Variants in GFPT2 observed in about 807,000 individuals in gnomAD.
The protein encoded by GFPT2 is glutamine--fructose-6-phosphate aminotransferase [isomerizing] 2.
In GFPT2, 62 loss-of-function variants were observed where a neutral mutation model predicts 85.6. The ratio of observed to expected loss-of-function variants is 0.72; its 90% confidence interval spans 0.59 to 0.90. The LOEUF (loss-of-function observed/expected upper bound fraction) is 0.90. Ranked by LOEUF, GFPT2 falls within the 40% of genes least tolerant of loss-of-function variation. The pLI is 0.00. For synonymous variants in GFPT2, 368 were observed against 344.5 expected (o/e 1.07, Z -0.75); for missense variants, 788 against 893.4 (o/e 0.88, Z 1.50).
chr5:180,352,468 C>T (rs936753262), intron 1 of GFPT2: 1 of 451,878 alleles, frequency 2.2e-6, no homozygotes, highest in Admixed American at 2.4e-5. Context: ...CGGGCCGCGG[C>T]CGCCCTCCCC....
chr5:180,309,051 T>A (rs1763829196), intron 15 of GFPT2, among the ~76,000 whole-genome samples: 1 of 152,002 alleles, frequency 6.6e-6, no homozygotes, highest in Admixed American at 6.5e-5. Context: ...TTTAAATATT[T>A]TTAGTAGAGA....
At chr5:180,349,079 C>T (rs1764662351) in intron 1 of GFPT2, among the ~76,000 whole-genome samples, 1 of 151,594 alleles carries the variant, frequency 6.6e-6, no homozygotes, top group African/African-American at 2.4e-5. Flanking sequence ...GTGTCCCTTT[C>T]ATTCTTACAG....
chr5:180,353,056 C>T (rs1190853490), intron 1 of GFPT2, among the ~76,000 whole-genome samples, 155 bp downstream of exon 1: 2 of 152,184 alleles, frequency 1.3e-5, no homozygotes, highest in East Asian at 3.9e-4. Flanking sequence ...GCAGCCAGGC[C>T]CGGCCGACGA....
chr5:180,342,175 G>C (rs973586724), intron 1 of GFPT2, among the ~76,000 whole-genome samples: 4 of 152,102 alleles, frequency 2.6e-5, no homozygotes, highest in Non-Finnish European at 2.9e-5. Flanking sequence ...CAGCCATGTG[G>C]AACTATGAGT....
intron 17 of GFPT2, among the ~76,000 whole-genome samples, chr5:180,302,984 C>A (rs938774125): frequency 7.2e-5 from 11 of 151,984 alleles, no homozygotes; most frequent in Admixed American, 5.2e-4. Context: ...AATCCCAACA[C>A]TTTGGGAGGC....
chr5:180,343,647 T>C (rs1461526031), intron 1 of GFPT2, among the ~76,000 whole-genome samples: 8 of 152,260 alleles, frequency 5.3e-5, no homozygotes, highest in African/African-American at 1.9e-4. Context: ...CTCAAGTGAA[T>C]AAAATAGCGT....
intron 2 of GFPT2, among the ~76,000 whole-genome samples, chr5:180,337,128 C>A (rs1037452737): frequency 3.7e-4 from 57 of 152,208 alleles, no homozygotes; most frequent in Non-Finnish European, 6.8e-4. Context: ...CCCAGCGGAG[C>A]ATTGTGTAGC....
At chr5:180,345,361 G>C (rs1764585681) in intron 1 of GFPT2, among the ~76,000 whole-genome samples, 1 of 152,252 alleles carries the variant, frequency 6.6e-6, no homozygotes, top group Non-Finnish European at 1.5e-5. Context: ...TACTGGGATG[G>C]ACCCATCGGG....
At chr5:180,314,072 AC>A (rs1177094912) in intron 13 of GFPT2, 108 bp from the exon 14 acceptor site, 3 of 1,122,510 alleles carry the variant, frequency 2.7e-6, no homozygotes, top group African/African-American at 3.2e-5. Flanking sequence ...CGCCCGAGAC[AC>A]AGCCAGCGGG....
At chr5:180,321,408 C>T (rs1487109377) in intron 9 of GFPT2, among the ~76,000 whole-genome samples, 1 of 152,216 alleles carries the variant, frequency 6.6e-6, no homozygotes, top group African/African-American at 2.4e-5. Context: ...AATGGCCCAC[C>T]AGTTAGGCTT....
At position 180,304,665 on chromosome 5, in the gene GFPT2, A is replaced by C. The variant is rs1763741747; in HGVS notation, c.1842+107T>G. ...CGGGGGAGGGTGTGTGGTCACAGCC[A>C]CTCACTGGCCAGACCATCCATCACT... On this transcript the variant is annotated intron_variant, in intron 17 of 18. Coordinates refer to ENST00000253778, the MANE Select transcript of GFPT2 (RefSeq NM_005110.4). The C allele has an allele frequency of 6.7e-6, 7 of 1,047,086 alleles. No homozygotes were observed. The East Asian group carries it at 1.7e-4, about 25-fold the overall frequency. The allele number at this position is 1,047,086 out of a possible 1,614,324, so 64.9% of individuals were successfully genotyped here. A position where few individuals can be genotyped will look rare whatever the true frequency, so the allele number is the denominator to read the frequency against.
intron 1 of GFPT2, among the ~76,000 whole-genome samples, chr5:180,346,364 G>C (rs963564269): frequency 3.3e-5 from 5 of 152,160 alleles, no homozygotes; most frequent in African/African-American, 9.7e-5. Flanking sequence ...GGAGATGCCC[G>C]CCTAGCACCA....
rs1265912020 is a variant in GFPT2 at position 180,330,316 on chromosome 5, T to C, written c.534+384A>G. 6.6e-6 allele frequency among the ~76,000 whole-genome samples: 1 copy of C among 152,170 alleles called. No homozygotes were observed. Among genetic ancestry groups the C allele is most frequent in the African/African-American group, 2.4e-5 (1 of 41,450 alleles). ...CAGCCTGTGCAACAGAGTGAGACTC[T>C]GTCTCAAAAAAGAAAAACCTAGAAA... On this transcript the variant is annotated intron_variant, in intron 6 of 18. Transcript: ENST00000253778. The surrounding 1 kb of genome is among the most constrained non-coding windows in gnomAD (Gnocchi z 4.4).
chr5:180,329,752 C>T (rs1764271934), intron 6 of GFPT2, among the ~76,000 whole-genome samples: 1 of 152,198 alleles, frequency 6.6e-6, no homozygotes, highest in South Asian at 2.1e-4. Context: ...CTGCCACAGC[C>T]CTGGGGGAGC....
At chr5:180,339,734 C>G (rs996990947) in intron 1 of GFPT2, among the ~76,000 whole-genome samples, 1 of 152,242 alleles carries the variant, frequency 6.6e-6, no homozygotes, top group Non-Finnish European at 1.5e-5. Context: ...CTCCAGCCCC[C>G]GCCCTGGGCA....
In GFPT2 at chr5:180,318,385, G is replaced by A. The variant is rs4700734; in HGVS notation, c.958+408C>T. ...TGCCCTGTGGGGTAGAGGTTGTAAG[G>A]GGACAGAAATGGGTGCAGACAGAGA... is the stretch of plus-strand genomic sequence containing the variant. On this transcript the variant is annotated intron_variant, in intron 10 of 18. Coordinates refer to ENST00000253778, the MANE Select transcript of GFPT2 (RefSeq NM_005110.4). The surrounding 1 kb of genome is among the most constrained non-coding windows in gnomAD (Gnocchi z 4.2). Among the ~76,000 whole-genome samples, 16,833 of 152,154 alleles carry A rather than the reference G, an allele frequency of 0.11. 1,126 individuals are homozygous for A. The highest frequency in any genetic ancestry group is 0.19 in the African/African-American group (7,678 of 41,464).
intron 17 of GFPT2, among the ~76,000 whole-genome samples, chr5:180,303,217 C>A (rs60059317): frequency 1.6e-3 from 228 of 143,660 alleles, no homozygotes; most frequent in African/African-American, 5.4e-3. Context: ...GCGACAGAGC[C>A]AGACTCCGTC....
chr5:180,307,487 G>A (rs1159182239), intron 15 of GFPT2, among the ~76,000 whole-genome samples, 184 bp from the exon 16 acceptor site: 1 of 152,232 alleles, frequency 6.6e-6, no homozygotes, highest in African/African-American at 2.4e-5. Context: ...CCAGGATTCT[G>A]TTAGGATGGG....
chr5:180,308,052 C>G (rs1003246325), intron 15 of GFPT2, among the ~76,000 whole-genome samples: 2 of 152,140 alleles, frequency 1.3e-5, no homozygotes, highest in Non-Finnish European at 2.9e-5. Flanking sequence ...GTCAGGAGAT[C>G]GAGACCATCC....
Sources: gnomAD v4.1 joint callset for allele counts (sites outside exome capture counted in the v4.1 genomes callset) on GRCh38, gnomAD v4.1.1 for gene constraint, Gnocchi (gnomAD v3.1) non-coding constraint, MANE v1.5 for transcripts, NCBI Gene and HGNC (gene_info 2026-07-23, HGNC 2026-07-21) for gene names.